The following PLXNA2 variants were observed in gnomAD, a reference collection of about 807,000 sequenced individuals.
The protein encoded by PLXNA2 is plexin A2.
Under a neutral mutation model 193.5 loss-of-function variants are expected in PLXNA2, and 91 were observed. The ratio of observed to expected loss-of-function variants is 0.47; its 90% confidence interval spans 0.40 to 0.56. The LOEUF is 0.56. PLXNA2 is among the 20% of genes least tolerant of loss of function. PLXNA2 has a pLI of 0.00. For missense variants in PLXNA2, 1,995 were observed against 2,503.2 expected (o/e 0.80, Z 4.33); for synonymous variants, 997 against 1,027.3 (o/e 0.97, Z 0.56).
chr1:208,159,496 G>T (rs1182010888), intron 3 of PLXNA2, among the ~76,000 whole-genome samples: 2 of 152,204 alleles, frequency 1.3e-5, no homozygotes, highest in African/African-American at 4.8e-5. Flanking sequence ...ACGTCCTCCA[G>T]CTCGTGCTCT....
rs762874329 is a variant in PLXNA2, at chr1:208,079,311, C to G, written c.2535G>C (p.Trp845Cys). The change falls in exon 12 of 32, where the codon TGG (tryptophan) becomes TGC (cysteine). Residue 845 changes from tryptophan to cysteine, a missense_variant. Trp to Cys is a radical substitution (Grantham distance 215). Transcript: ENST00000367033. ...TGACATTGTGGCTGGACCAGTCGAGCCAGGGGCTGGAAGGGCTGGTACAGT... is the reference window on the plus strand; with the variant it reads ...TGACATTGTGGCTGGACCAGTCGAGGCAGGGGCTGGAAGGGCTGGTACAGT... ...HQHCTSPSSP[W>C]LDWSSHNVKC... 1.2e-6 allele frequency: 2 copies of G among 1,613,146 alleles called. No homozygotes were observed. The highest frequency in any genetic ancestry group is 1.7e-6 in the Non-Finnish European group (2 of 1,179,162).
chr1:208,219,992 AC>A (rs1432294753), intron 1 of PLXNA2, among the ~76,000 whole-genome samples: 1 of 152,190 alleles, frequency 6.6e-6, no homozygotes, highest in East Asian at 1.9e-4. Flanking sequence ...AAAGGAAATA[AC>A]AGAATCCTTA....
At chr1:208,027,375 C>T in intron 31 of PLXNA2, 37 bp from the exon 32 acceptor site, 1 of 1,572,990 alleles carries the variant, frequency 6.4e-7, no homozygotes, top group Non-Finnish European at 8.7e-7. Context: ...GACTTCAGGA[C>T]TCAGAATAGA....
At chr1:208,108,122 G>C (rs1667332552) in intron 4 of PLXNA2, among the ~76,000 whole-genome samples, 1 of 152,116 alleles carries the variant, frequency 6.6e-6, no homozygotes, top group African/African-American at 2.4e-5. Flanking sequence ...ACTTGGCAGG[G>C]AGTGCAGAGT....
intron 21 of PLXNA2, 29 bp from the exon 22 acceptor site, chr1:208,042,395 C>A (rs542733930): frequency 1.7e-5 from 27 of 1,603,070 alleles, no homozygotes; most frequent in Non-Finnish European, 2.3e-5. Context: ...GAGGCGACGC[C>A]CTCAGAGGAC....
chr1:208,096,993 T>C, intron 6 of PLXNA2, 110 bp from the exon 7 acceptor site: 1 of 913,464 alleles, frequency 1.1e-6, no homozygotes, highest in South Asian at 1.8e-5. Flanking sequence ...TGACCTCATC[T>C]ATAAAAGAAG....
At chr1:208,103,313 C>T (rs1357065938) in intron 4 of PLXNA2, 66 bp from the exon 5 acceptor site, 1 of 1,264,232 alleles carries the variant, frequency 7.9e-7, no homozygotes. Flanking sequence ...GTGTGTCACA[C>T]AGTCCTGTGT....
rs565779094 is a variant in PLXNA2, at chr1:208,234,665, T to C, written c.-81+8978A>G. On this transcript the variant is annotated intron_variant, in intron 1 of 31. Coordinates refer to ENST00000367033, the MANE Select transcript of PLXNA2 (RefSeq NM_025179.4). ...TCCTGCTAACACACTCTGTGATGTGTCTGCTCCATCCATGTCCCTGCCCCC... is the reference window on the plus strand; with the variant it reads ...TCCTGCTAACACACTCTGTGATGTGCCTGCTCCATCCATGTCCCTGCCCCC... Among the ~76,000 whole-genome samples the C allele has an allele frequency of 2.0e-5, 3 of 152,322 alleles. No individual in the cohort carries two copies. In the South Asian group the frequency reaches 6.2e-4, roughly 32 times the overall value.
chr1:208,079,455 A>G lies in PLXNA2; in HGVS notation c.2396-5T>C. 3.2e-6 allele frequency: 5 copies of G among 1,568,462 alleles called. No homozygotes were observed. Among genetic ancestry groups the G allele is most frequent in the Non-Finnish European group, 4.3e-6 (5 of 1,150,940 alleles). ...CTGCACACTTGTAGAGATGGACTGC[A>G]AAGAGAGCAGGTGGTCACAGATGAA... is the stretch of plus-strand genomic sequence containing the variant. On this transcript the variant is annotated splice_polypyrimidine_tract_variant and splice_region_variant and intron_variant, in intron 11 of 31. Coordinates refer to ENST00000367033, the MANE Select transcript of PLXNA2 (RefSeq NM_025179.4).
chr1:208,232,972 A>C (rs1240541881), intron 1 of PLXNA2, among the ~76,000 whole-genome samples: 1 of 152,200 alleles, frequency 6.6e-6, no homozygotes, highest in African/African-American at 2.4e-5. Flanking sequence ...GACCTCAGCT[A>C]TCAGCTACGA....
At chr1:208,174,620 C>T (rs553130824) in intron 3 of PLXNA2, among the ~76,000 whole-genome samples, 24 of 152,174 alleles carry the variant, frequency 1.6e-4, no homozygotes, top group East Asian at 5.8e-4. Flanking sequence ...AGTGGGAAGC[C>T]GGAGGAGCTC....
chr1:208,156,839 A>T (rs146612518), intron 3 of PLXNA2, among the ~76,000 whole-genome samples: 1 of 152,300 alleles, frequency 6.6e-6, no homozygotes, highest in Non-Finnish European at 1.5e-5. Flanking sequence ...ATCAAGTGAG[A>T]GCTCCAGAAA....
chr1:208,193,052 C>T (rs1222769971), intron 3 of PLXNA2, among the ~76,000 whole-genome samples: 1 of 152,184 alleles, frequency 6.6e-6, no homozygotes, highest in African/African-American at 2.4e-5. Flanking sequence ...CACAGACCCC[C>T]TGAATCCTGG....
intron 3 of PLXNA2, among the ~76,000 whole-genome samples, chr1:208,152,717 A>ACC (rs1491323673): frequency 3.6e-5 from 5 of 138,964 alleles, no homozygotes; most frequent in African/African-American, 1.3e-4. Flanking sequence ...ACACACACAC[A>ACC]CCACCTTCAA....
At chr1:208,160,053 G>A (rs557712760) in intron 3 of PLXNA2, among the ~76,000 whole-genome samples, 45 of 152,236 alleles carry the variant, frequency 3.0e-4, no homozygotes, top group African/African-American at 8.4e-4. Flanking sequence ...CTCTGGTCTC[G>A]GCAGCTCCCT....
chr1:208,173,287 G>A (rs139780379), intron 3 of PLXNA2, among the ~76,000 whole-genome samples: 18 of 152,294 alleles, frequency 1.2e-4, no homozygotes, highest in Middle Eastern at 6.8e-3. Flanking sequence ...GCCATATCGA[G>A]GATGTTGGAT....
chr1:208,237,206 C>T (rs1225494709), intron 1 of PLXNA2, among the ~76,000 whole-genome samples: 2 of 152,184 alleles, frequency 1.3e-5, no homozygotes, highest in African/African-American at 4.8e-5. Flanking sequence ...GAGATTGGCT[C>T]CTTCTCCAGG....
intron 3 of PLXNA2, among the ~76,000 whole-genome samples, chr1:208,155,692 G>A (rs552676055): frequency 2.0e-5 from 3 of 152,256 alleles, no homozygotes; most frequent in African/African-American, 7.2e-5. Flanking sequence ...CTGACTCCTG[G>A]CCCAACACCC....
intron 3 of PLXNA2, among the ~76,000 whole-genome samples, chr1:208,147,588 T>TA (rs1668638755): frequency 6.6e-6 from 1 of 152,242 alleles, no homozygotes; most frequent in Non-Finnish European, 1.5e-5. Context: ...TGAACTCATT[T>TA]AACACTTCCA....
Sources: gnomAD v4.1 joint callset for allele counts (sites outside exome capture counted in the v4.1 genomes callset) on GRCh38, gnomAD v4.1.1 for gene constraint, MANE v1.5 for transcripts, NCBI Gene and HGNC (gene_info 2026-07-23, HGNC 2026-07-21) for gene names.